Variants in USP15 observed in about 807,000 individuals in gnomAD.
USP15 encodes the protein ubiquitin carboxyl-terminal hydrolase 15.
In USP15, 18 loss-of-function variants were observed where a neutral mutation model predicts 127.1. The ratio of observed to expected loss-of-function variants is 0.14; its 90% CI spans 0.10 to 0.21. USP15 has a LOEUF of 0.21. USP15 is among the 10% of genes least tolerant of loss of function. The probability of loss-of-function intolerance (pLI) is 1.00; values close to 1 mark genes in which losing one functional copy is unlikely to be tolerated. For synonymous variants in USP15, 364 were observed against 393.7 expected (o/e 0.92, Z 0.89); for missense variants, 805 against 1,159.9 (o/e 0.69, Z 4.44).
At chr12:62,334,788 C>T (rs2065408641) in intron 6 of USP15, among the ~76,000 whole-genome samples, 1 of 152,136 alleles carries the variant, frequency 6.6e-6, no homozygotes, top group Admixed American at 6.5e-5. Flanking sequence ...TCAGACTTAA[C>T]TTCTCTGTAT....
chr12:62,399,251 A>G (rs540067597), intron 20 of USP15, among the ~76,000 whole-genome samples: 1 of 152,206 alleles, frequency 6.6e-6, no homozygotes, highest in East Asian at 1.9e-4. Context: ...CATGCACAGC[A>G]ACAGCTTAGC....
chr12:62,299,543 ATTTACT>A (rs2064242197), intron 2 of USP15, among the ~76,000 whole-genome samples: 1 of 152,136 alleles, frequency 6.6e-6, no homozygotes, highest in African/African-American at 2.4e-5. Flanking sequence ...AATGGTGCAC[ATTTACT>A]TTATGCACTC....
intron 1 of USP15, among the ~76,000 whole-genome samples, chr12:62,275,442 A>G: frequency 6.6e-6 from 1 of 151,380 alleles, no homozygotes; most frequent in African/African-American, 2.4e-5. Context: ...TTTTAGAGGG[A>G]TTAATAGATA....
rs755640325 is a variant in USP15 at position 62,401,229 on chromosome 12, A to G, written c.2717A>G (p.Tyr906Cys). 1 of 1,612,004 alleles carries G rather than the reference A, an allele frequency of 6.2e-7. No individual in the cohort carries two copies. The highest frequency in any genetic ancestry group is 1.1e-5 in the South Asian group (1 of 90,968). Residue 906 changes from tyrosine to cysteine, a missense_variant, in exon 21 of 22, where the codon TAT (tyrosine) becomes TGT (cysteine). Around this residue, in one of 11 missense-constraint regions of USP15, gnomAD observed 116 missense variants for 157.2 expected, o/e 0.74. Transcript: ENST00000280377. ...AATAAAGATGATGGAAAATGGTACT[A>G]TTTTGATGACAGTAGTGTCTCCACT... ...AKNKDDGKWY[Y>C]FDDSSVSTAS...
At chr12:62,363,025 G>A (rs1333568504) in intron 8 of USP15, among the ~76,000 whole-genome samples, 1 of 152,126 alleles carries the variant, frequency 6.6e-6, no homozygotes, top group African/African-American at 2.4e-5. Flanking sequence ...TGTATGAAGG[G>A]GAGTGAGACA....
chr12:62,325,156 T>C (rs1029923650), intron 5 of USP15, among the ~76,000 whole-genome samples: 1 of 152,032 alleles, frequency 6.6e-6, no homozygotes, highest in Non-Finnish European at 1.5e-5. Context: ...CTTATTAGAC[T>C]GGACGATATA....
chr12:62,266,586 T>A (rs1023981987), intron 1 of USP15, among the ~76,000 whole-genome samples: 3 of 152,132 alleles, frequency 2.0e-5, no homozygotes, highest in African/African-American at 7.2e-5. Flanking sequence ...TCACTGAAAA[T>A]CACTTCATTA....
chr12:62,312,582 G>A lies in USP15; in HGVS notation c.349-2208G>A, dbSNP rs2064714682. Among the ~76,000 whole-genome samples, 4 of 151,666 alleles carry A rather than the reference G, an allele frequency of 2.6e-5. No homozygotes were observed. The South Asian group carries it at 8.3e-4, about 31-fold the overall frequency. On this transcript the variant is annotated intron_variant, in intron 3 of 21. Transcript: ENST00000280377. ...TGGACAAGGAGCCAGATTTCATCAT[G>A]TACTCACTTTTTATTTATGGTAATA...
At chr12:62,359,864 T>C in intron 8 of USP15, among the ~76,000 whole-genome samples, 1 of 152,126 alleles carries the variant, frequency 6.6e-6, no homozygotes, top group Non-Finnish European at 1.5e-5. Context: ...CCCTGCCTCC[T>C]GAGTAGTTAT....
intron 6 of USP15, among the ~76,000 whole-genome samples, chr12:62,347,006 A>G (rs1432627924): frequency 1.3e-5 from 2 of 151,420 alleles, no homozygotes; most frequent in African/African-American, 4.8e-5. Context: ...TTTATATTAG[A>G]ATTTGTTATC....
In USP15 at chr12:62,389,734, GA is replaced by G. The variant is rs201453172; in HGVS notation, c.1652+43del. The G allele has an allele frequency of 1.6e-4, 250 of 1,594,874 alleles. 4 individuals are homozygous for G. Among genetic ancestry groups the G allele is most frequent in the Middle Eastern group, 1.2e-3 (7 of 5,926 alleles). On this transcript the variant is annotated intron_variant, in intron 13 of 21. Transcript: ENST00000280377. ...AAACTCATTGTGCAAAATATTACTT[GA>G]AAAAAAATTAATAGAAGTAACATAA...
At position 62,389,571 on chromosome 12, in the gene USP15, A is replaced by G. The variant is rs1052604090; in HGVS notation, c.1558-34A>G. On this transcript the variant is annotated intron_variant, in intron 12 of 21. Transcript: ENST00000280377. ...TTGGTATTTAGTTTCTCAGTGCTGT[A>G]AAACCAGCTTAATAGAAATTCGTTT... 4 of 1,610,484 alleles carry G rather than the reference A, an allele frequency of 2.5e-6. No homozygotes were observed. The South Asian group carries it at 4.4e-5, about 18-fold the overall frequency.
At chr12:62,365,585 T>G (rs146001912) in intron 8 of USP15, among the ~76,000 whole-genome samples, 3,282 of 152,310 alleles carry the variant, frequency 0.022, 111 homozygotes, top group African/African-American at 0.076. Flanking sequence ...TTTTGACTTT[T>G]GTTGCCATTG....
chr12:62,343,502 C>T (rs951204263), intron 6 of USP15, among the ~76,000 whole-genome samples: 1 of 152,202 alleles, frequency 6.6e-6, no homozygotes, highest in Non-Finnish European at 1.5e-5. Context: ...CCCAAACAGC[C>T]ACCCAGTTTT....
In USP15 at chr12:62,352,194, C is replaced by T. The variant is rs144941575; in HGVS notation, c.770+2887C>T. On this transcript the variant is annotated intron_variant, in intron 7 of 21. Coordinates refer to ENST00000280377, the MANE Select transcript of USP15 (RefSeq NM_001252078.2). ...TTCTAAGATATAAAATTTTTATTTC[C>T]AGAAATAAGAATATTGTTATAAAAT... is the stretch of plus-strand genomic sequence containing the variant. 1.3e-3 allele frequency among the ~76,000 whole-genome samples: 204 copies of T among 151,360 alleles called. 2 individuals are homozygous for T. The highest frequency in any genetic ancestry group is 4.5e-3 in the African/African-American group (188 of 41,348).
Position 62,355,429 on chromosome 12 carries a change from G to C in USP15, c.869G>C (p.Gly290Ala), listed in dbSNP as rs1455402821. 1 of 1,609,340 alleles carries C rather than the reference G, an allele frequency of 6.2e-7. No individual in the cohort carries two copies. Among genetic ancestry groups the C allele is most frequent in the African/African-American group, 1.3e-5 (1 of 74,714 alleles). The change falls in exon 8 of 22, where the codon GGC becomes GCC. Residue 290 changes from glycine (G) to alanine (A), a missense_variant. By Grantham distance (60) the Gly-to-Ala change is moderately conservative. Around this residue, in one of 11 missense-constraint regions of USP15, gnomAD observed 84 missense variants for 107.7 expected, o/e 0.78. Transcript: ENST00000280377. ...GRNNEQPGLC[G>A]LSNLGNTCFM... ...AACAATGAACAGCCAGGCCTCTGTG[G>C]CCTAAGTAACTTGGGAAATACGTGT...
At chr12:62,273,025 A>G (rs2063379459) in intron 1 of USP15, among the ~76,000 whole-genome samples, 1 of 152,028 alleles carries the variant, frequency 6.6e-6, no homozygotes, top group Admixed American at 6.6e-5. Flanking sequence ...CATTAAAGGC[A>G]CTATTTAGTT....
At chr12:62,299,785 C>T (rs1173778408) in intron 2 of USP15, among the ~76,000 whole-genome samples, 1 of 152,170 alleles carries the variant, frequency 6.6e-6, no homozygotes, top group Admixed American at 6.5e-5. Flanking sequence ...TCATTGCTGG[C>T]AGTGTATGAG....
intron 6 of USP15, chr12:62,336,298 C>G (rs1396675846): frequency 2.1e-5 from 21 of 985,292 alleles, no homozygotes; most frequent in Non-Finnish European, 2.5e-5. Flanking sequence ...CTCACCACCT[C>G]AAATTAAACC....
Sources: gnomAD v4.1 joint callset for allele counts (sites outside exome capture counted in the v4.1 genomes callset) on GRCh38, gnomAD v4.1.1 for gene constraint, gnomAD v4.1.1 regional missense constraint, MANE v1.5 for transcripts, NCBI Gene and HGNC (gene_info 2026-07-23, HGNC 2026-07-21) for gene names.